Variants in BCO1 observed in about 807,000 individuals in gnomAD.
BCO1 encodes the protein beta,beta-carotene 15,15'-dioxygenase.
In BCO1, 54 loss-of-function variants were observed where a neutral mutation model predicts 56.3. The ratio of observed to expected loss-of-function variants is 0.96; its 90% CI spans 0.77 to 1.20. BCO1 has a LOEUF of 1.20. Ranked by LOEUF, BCO1 falls within the 50% of genes most tolerant of loss-of-function variation. The pLI is 0.00. For synonymous variants in BCO1, 318 were observed against 266.1 expected, an observed-to-expected ratio of 1.20 and a Z score of -1.90; for missense variants, 801 against 690.9, an observed-to-expected ratio of 1.16 and a Z score of -1.79.
At chr16:81,260,119 AGG>A (rs1906393571) in intron 3 of BCO1, among the ~76,000 whole-genome samples, 2 of 152,236 alleles carry the variant, frequency 1.3e-5, no homozygotes, top group African/African-American at 4.8e-5. Context: ...CACATGCACC[AGG>A]TATTTGTCAT....
intron 2 of BCO1, among the ~76,000 whole-genome samples, chr16:81,255,345 G>C (rs1306442403): frequency 6.6e-6 from 1 of 152,090 alleles, no homozygotes; most frequent in African/African-American, 2.4e-5. Context: ...TAACCTCTCT[G>C]TGCCTCAATT....
Position 81,269,719 on chromosome 16 carries a change from C to T in BCO1, c.844-440C>T, listed in dbSNP as rs148570317. On this transcript the variant is annotated intron_variant, in intron 6 of 10. Transcript: ENST00000258168. Reference sequence around the variant, plus strand: ...CCTGACCTCAAGTGATCCACCTGCCCGGCCTCCCAAAGTGCTGGGATTACA... The same window carrying T: ...CCTGACCTCAAGTGATCCACCTGCCTGGCCTCCCAAAGTGCTGGGATTACA... 1.5e-4 allele frequency among the ~76,000 whole-genome samples: 23 copies of T among 152,218 alleles called. No individual in the cohort carries two copies. In the East Asian group the frequency reaches 3.7e-3, roughly 24 times the overall value.
Position 81,290,889 on chromosome 16 carries a change from CA to C in BCO1, c.*313del. 3.6e-6 allele frequency: 1 copy of C among 279,420 alleles called. No homozygotes were observed. The highest frequency in any genetic ancestry group is 6.8e-6 in the Non-Finnish European group (1 of 147,896). The allele number at this position is 279,420 out of a possible 1,614,324, so 17.3% of individuals were successfully genotyped here. A position where few individuals can be genotyped will look rare whatever the true frequency, so the allele number is the denominator to read the frequency against. ...CAGAGATTGTATTCAATGACATTAT[CA>C]TCATTTTTAGAACGAGCCACTAACC... On this transcript the variant is annotated 3_prime_UTR_variant, in exon 11 of 11. Transcript: ENST00000258168.
chr16:81,266,071 T>C (rs778273546), intron 5 of BCO1, among the ~76,000 whole-genome samples: 1 of 152,088 alleles, frequency 6.6e-6, no homozygotes, highest in African/African-American at 2.4e-5. Context: ...TTTTTCAGTC[T>C]CCTGACAAAA....
At chr16:81,275,010 C>T (rs1197959874) in intron 7 of BCO1, among the ~76,000 whole-genome samples, 1 of 152,222 alleles carries the variant, frequency 6.6e-6, no homozygotes, top group Non-Finnish European at 1.5e-5. Context: ...TTAATTGCTA[C>T]TTATTGTCCC....
intron 7 of BCO1, among the ~76,000 whole-genome samples, chr16:81,275,099 C>G (rs1432706451): frequency 2.0e-5 from 3 of 152,250 alleles, no homozygotes; most frequent in Non-Finnish European, 2.9e-5. Flanking sequence ...TGGACAGAGC[C>G]TTACATGCCC....
At chr16:81,286,168 C>T (rs1035497011) in intron 9 of BCO1, among the ~76,000 whole-genome samples, 21 of 152,056 alleles carry the variant, frequency 1.4e-4, no homozygotes, top group Non-Finnish European at 2.6e-4. Context: ...ATTACAGCCT[C>T]GAGCCACCAT....
At position 81,253,593 on chromosome 16, in the gene BCO1, C is replaced by G. The variant is rs900688713; in HGVS notation, c.194-6083C>G. Among the ~76,000 whole-genome samples, 9 of 152,312 alleles carry G rather than the reference C, an allele frequency of 5.9e-5. 1 individual carries two copies. Among genetic ancestry groups the G allele is most frequent in the African/African-American group, 2.2e-4 (9 of 41,582 alleles). On this transcript the variant is annotated intron_variant, in intron 2 of 10. Coordinates refer to ENST00000258168, the MANE Select transcript of BCO1 (RefSeq NM_017429.3). ...TGAAAGCATGAACTCAGGGCCTGGT[C>G]AGCCCCAAAGCTCAGGCTCCTAACC... is the stretch of plus-strand genomic sequence containing the variant.
intron 8 of BCO1, among the ~76,000 whole-genome samples, chr16:81,283,978 G>A (rs1473953443): frequency 1.3e-5 from 2 of 151,344 alleles, no homozygotes; most frequent in Non-Finnish European, 2.9e-5. Flanking sequence ...GAGGTCAGGA[G>A]ATCGAGACCA....
chr16:81,251,502 G>C (rs118068071), intron 2 of BCO1, among the ~76,000 whole-genome samples: 12,661 of 151,474 alleles, frequency 0.084, 685 homozygotes, highest in Admixed American at 0.15. Context: ...AGAGGCTGCA[G>C]TGAGCCGAGA....
In BCO1 at chr16:81,267,900, C is replaced by T; in HGVS notation, c.620-8C>T. On this transcript the variant is annotated splice_polypyrimidine_tract_variant and splice_region_variant and intron_variant, in intron 5 of 10. Transcript: ENST00000258168. ...ACAATTCCTGAGGCTTGCTTTTTGT[C>T]TTGCTAGAGGGCAAGAAGCAGGGGA... 6.2e-7 allele frequency: 1 copy of T among 1,613,208 alleles called. No individual in the cohort carries two copies. Among genetic ancestry groups the T allele is most frequent in the Non-Finnish European group, 8.5e-7 (1 of 1,179,654 alleles).
Position 81,280,971 on chromosome 16 carries a change from C to G in BCO1, c.1207+9C>G. 1 of 1,595,472 alleles carries G rather than the reference C, an allele frequency of 6.3e-7. No homozygotes were observed. Among genetic ancestry groups the G allele is most frequent in the Non-Finnish European group, 8.6e-7 (1 of 1,163,096 alleles). ...GGAATTTCTTTATGAAGGTAAAATG[C>G]ATCCTCTTGTCCTGAGTTTAGGAAA... is the stretch of plus-strand genomic sequence containing the variant. On this transcript the variant is annotated intron_variant, in intron 8 of 10. Coordinates refer to ENST00000258168, the MANE Select transcript of BCO1 (RefSeq NM_017429.3).
chr16:81,246,658 C>G (rs1033091982), intron 2 of BCO1, among the ~76,000 whole-genome samples: 2 of 151,932 alleles, frequency 1.3e-5, no homozygotes, highest in Middle Eastern at 6.8e-3. Context: ...TGAGACCAAC[C>G]TGGCCAACAT....
At chr16:81,262,617 C>G (rs536919768) in intron 4 of BCO1, 1 of 354,154 alleles carries the variant, frequency 2.8e-6, no homozygotes, top group Admixed American at 3.8e-5. Context: ...CACCTGAGGT[C>G]AGGAGTTTGA....
intron 4 of BCO1, 71 bp downstream of exon 4, chr16:81,262,354 G>A: frequency 1.3e-6 from 2 of 1,541,500 alleles, no homozygotes; most frequent in Admixed American, 1.7e-5. Flanking sequence ...GCCGGGGTGA[G>A]GTTGCTCAGC....
chr16:81,258,672 C>T (rs1906297347), intron 2 of BCO1, among the ~76,000 whole-genome samples: 1 of 152,232 alleles, frequency 6.6e-6, no homozygotes, highest in African/African-American at 2.4e-5. Flanking sequence ...AAGAATGTTT[C>T]TGAGCCTGAG....
At chr16:81,252,585 T>G (rs1905876409) in intron 2 of BCO1, among the ~76,000 whole-genome samples, 2 of 152,176 alleles carry the variant, frequency 1.3e-5, no homozygotes, top group African/African-American at 4.8e-5. Flanking sequence ...ATTCAACATT[T>G]CAGGTCAAGC....
At chr16:81,243,176 A>T (rs11648958) in intron 1 of BCO1, among the ~76,000 whole-genome samples, 1 of 151,898 alleles carries the variant, frequency 6.6e-6, no homozygotes, top group Admixed American at 6.6e-5. Flanking sequence ...GTTGCGCAAC[A>T]TTGTGAATAC....
chr16:81,282,236 G>T (rs747040220), intron 8 of BCO1, among the ~76,000 whole-genome samples: 2 of 152,060 alleles, frequency 1.3e-5, no homozygotes, highest in Non-Finnish European at 1.5e-5. Flanking sequence ...AAAATTAGCC[G>T]GCATGGTGGT....
Sources: gnomAD v4.1 joint callset for allele counts (sites outside exome capture counted in the v4.1 genomes callset) on GRCh38, gnomAD v4.1.1 for gene constraint, MANE v1.5 for transcripts, NCBI Gene and HGNC (gene_info 2026-07-23, HGNC 2026-07-21) for gene names.